The following PCDHGA9 variants were observed in gnomAD, a reference collection of about 807,000 sequenced individuals.
PCDHGA9 encodes the protein protocadherin gamma-A9.
In PCDHGA9, 37 loss-of-function variants were observed where a neutral mutation model predicts 62.5. The ratio of observed to expected loss-of-function variants is 0.59; its 90% CI spans 0.46 to 0.78. The LOEUF is 0.78. PCDHGA9 is among the 30% of genes least tolerant of loss of function. The pLI, the probability that PCDHGA9 is intolerant of heterozygous loss-of-function variation, is 0.00. For missense variants in PCDHGA9, 1,138 were observed against 1,166.2 expected, an observed-to-expected ratio of 0.98 and a Z score of 0.35; for synonymous variants, 459 against 484.6, an observed-to-expected ratio of 0.95 and a Z score of 0.69.
chr5:141,458,970 C>T (rs1260904595), intron 1 of PCDHGA9, among the ~76,000 whole-genome samples: 1 of 152,170 alleles, frequency 6.6e-6, no homozygotes, highest in Admixed American at 6.6e-5. Flanking sequence ...CAGCCTCAAG[C>T]AGTCCTCCTG....
At chr5:141,427,944 A>C (rs780874108) in intron 1 of PCDHGA9, 63 of 1,586,294 alleles carry the variant, frequency 4.0e-5, no homozygotes, top group Non-Finnish European at 8.6e-6. Context: ...GGGCGACCTC[A>C]ATGACAATGT....
chr5:141,472,065 G>C lies in PCDHGA9; in HGVS notation c.2425-22742G>C, dbSNP rs115025688. Among the ~76,000 whole-genome samples the C allele has an allele frequency of 1.7e-3, 265 of 152,218 alleles. 1 individual carries two copies. Among genetic ancestry groups the C allele is most frequent in the Middle Eastern group, 3.4e-3 (1 of 294 alleles). On this transcript the variant is annotated intron_variant, in intron 1 of 3. Coordinates refer to ENST00000573521, the MANE Select transcript of PCDHGA9 (RefSeq NM_018921.3). ...GATTTTAAAAATGATTGACATGTCT[G>C]TGGTTATATCAATGAGTACTATTAT...
chr5:141,423,236 C>G, intron 1 of PCDHGA9: 1 of 1,613,920 alleles, frequency 6.2e-7, no homozygotes, highest in Non-Finnish European at 8.5e-7. Flanking sequence ...GACAGCATCC[C>G]CGAAGTCCTG....
chr5:141,477,671 G>A lies in PCDHGA9; in HGVS notation c.2425-17136G>A, dbSNP rs1022028453. The A allele has an allele frequency of 1.2e-6, 2 of 1,614,198 alleles. No individual in the cohort carries two copies. Among genetic ancestry groups the A allele is most frequent in the Non-Finnish European group, 1.7e-6 (2 of 1,180,048 alleles). Reference sequence around the variant, plus strand: ...CACAATAAATCGTGACAATGGCATAGTGTCATCCTTAGTGCCCCTAGACTA... The same window carrying A: ...CACAATAAATCGTGACAATGGCATAATGTCATCCTTAGTGCCCCTAGACTA... On this transcript the variant is annotated intron_variant, in intron 1 of 3. Coordinates refer to ENST00000573521, the MANE Select transcript of PCDHGA9 (RefSeq NM_018921.3). This position sits in a 1 kb window ranked among gnomAD's most constrained non-coding sequence, Gnocchi z 4.9.
chr5:141,492,880 T>C (rs1204475362), intron 1 of PCDHGA9, among the ~76,000 whole-genome samples: 2 of 152,184 alleles, frequency 1.3e-5, no homozygotes, highest in African/African-American at 4.8e-5. Context: ...CCCCCAGAGA[T>C]ACAGGCTTTT....
rs1048686904 is a variant in PCDHGA9, at chr5:141,410,286, C to T, written c.2424+4910C>T. 3.7e-6 allele frequency: 6 copies of T among 1,613,916 alleles called. No homozygotes were observed. The African/African-American group carries it at 6.7e-5, about 18-fold the overall frequency. On this transcript the variant is annotated intron_variant, in intron 1 of 3. Transcript: ENST00000573521. Reference sequence around the variant, plus strand: ...GAACTGCAGTTTTACCTGGTGGTGGCCTTGGCCTTAATCTCAGTGCTCTTC... The same window carrying T: ...GAACTGCAGTTTTACCTGGTGGTGGTCTTGGCCTTAATCTCAGTGCTCTTC...
chr5:141,463,041 G>C (rs1383781857), intron 1 of PCDHGA9, among the ~76,000 whole-genome samples: 1 of 152,114 alleles, frequency 6.6e-6, no homozygotes, highest in African/African-American at 2.4e-5. Flanking sequence ...TGAGTGTTCA[G>C]CAGGGTCTCT....
intron 1 of PCDHGA9, among the ~76,000 whole-genome samples, chr5:141,492,148 G>C (rs2099737507): frequency 6.6e-6 from 1 of 152,202 alleles, no homozygotes; most frequent in Admixed American, 6.5e-5. Flanking sequence ...TGACTTCACT[G>C]TTACCCTCCC....
Position 141,489,779 on chromosome 5 carries a change from T to C in PCDHGA9, c.2425-5028T>C, listed in dbSNP as rs1269302289. 1.9e-6 allele frequency: 3 copies of C among 1,614,168 alleles called. No homozygotes were observed. Among genetic ancestry groups the C allele is most frequent in the Non-Finnish European group, 2.5e-6 (3 of 1,179,996 alleles). On this transcript the variant is annotated intron_variant, in intron 1 of 3. Coordinates refer to ENST00000573521, the MANE Select transcript of PCDHGA9 (RefSeq NM_018921.3). The surrounding 1 kb of genome is among the most constrained non-coding windows in gnomAD (Gnocchi z 4.5). ...CTAAGCCCCAACAGCCACTTCTCTC[T>C]GAATGTGAAGACCCTAAAAGATGGG...
rs764313049 is a variant in PCDHGA9, at chr5:141,418,041, T to G, written c.2424+12665T>G. 36 of 1,613,976 alleles carry G rather than the reference T, an allele frequency of 2.2e-5. No homozygotes were observed. In the Admixed American group the frequency reaches 2.3e-4, roughly 10 times the overall value. On this transcript the variant is annotated intron_variant, in intron 1 of 3. Coordinates refer to ENST00000573521, the MANE Select transcript of PCDHGA9 (RefSeq NM_018921.3). Reference sequence around the variant, plus strand: ...GATCTAGGGCTTAGTGTCCTGGATGTGTCGGCTCGCGAGCTGCGAGTGAGC... The same window carrying G: ...GATCTAGGGCTTAGTGTCCTGGATGGGTCGGCTCGCGAGCTGCGAGTGAGC...
chr5:141,422,447 C>G, intron 1 of PCDHGA9: 2 of 1,610,922 alleles, frequency 1.2e-6, no homozygotes, highest in Non-Finnish European at 1.7e-6. Flanking sequence ...AAATTGATAA[C>G]AAGCAGAGTG....
intron 2 of PCDHGA9, among the ~76,000 whole-genome samples, chr5:141,503,681 A>C (rs1313633991): frequency 6.6e-6 from 1 of 152,102 alleles, no homozygotes; most frequent in Non-Finnish European, 1.5e-5. Context: ...ACTTTTGGGA[A>C]GGAGAATTGA....
chr5:141,416,722 A>G (rs891558095), intron 1 of PCDHGA9: 3 of 152,258 alleles, frequency 2.0e-5, no homozygotes, highest in Admixed American at 6.5e-5. Context: ...TGATGAGTTC[A>G]TTTAGTTCAA....
rs1270447529 is a variant in PCDHGA9 at position 141,490,526 on chromosome 5, C to A, written c.2425-4281C>A. 3 of 1,614,116 alleles carry A rather than the reference C, an allele frequency of 1.9e-6. No homozygotes were observed. Among genetic ancestry groups the A allele is most frequent in the Non-Finnish European group, 2.5e-6 (3 of 1,180,008 alleles). On this transcript the variant is annotated intron_variant, in intron 1 of 3. Transcript: ENST00000573521. This position sits in a 1 kb window ranked among gnomAD's most constrained non-coding sequence, Gnocchi z 5.4. ...ATCATCGAGCTGCTGGCCAGCGATG[C>A]TGGTTCACCTTCCCTACACAAACAT...
intron 1 of PCDHGA9, among the ~76,000 whole-genome samples, chr5:141,483,322 G>C (rs1325809962): frequency 1.3e-5 from 2 of 152,110 alleles, no homozygotes. Flanking sequence ...TGGGACTGGA[G>C]GCAAAGAGAT....
intron 2 of PCDHGA9, among the ~76,000 whole-genome samples, chr5:141,500,381 T>G (rs1013284512): frequency 7.2e-5 from 11 of 151,786 alleles, no homozygotes; most frequent in African/African-American, 2.7e-4. Flanking sequence ...GCTAATTATT[T>G]TGTATTTTTA....
chr5:141,450,092 C>T (rs761677942), intron 1 of PCDHGA9, among the ~76,000 whole-genome samples: 2 of 148,672 alleles, frequency 1.3e-5, no homozygotes, highest in Non-Finnish European at 3.0e-5. Flanking sequence ...CTGCAACCTC[C>T]GCCTCCCAGG....
chr5:141,494,639 C>T, intron 1 of PCDHGA9, 168 bp from the exon 2 acceptor site: 1 of 901,070 alleles, frequency 1.1e-6, no homozygotes, highest in Non-Finnish European at 1.3e-6. Flanking sequence ...ACCTCTGAGA[C>T]CTGAGGTGTA....
chr5:141,404,754 A>G lies in PCDHGA9; in HGVS notation c.1802A>G (p.Asn601Ser). Residue 601 changes from asparagine to serine, a missense_variant, in exon 1 of 4, where the codon AAT becomes AGT. Physicochemically the swap from Asn to Ser is conservative, Grantham distance 46. Coordinates refer to ENST00000573521, the MANE Select transcript of PCDHGA9 (RefSeq NM_018921.3). ...VVAVDRDSGQ[N>S]AWLSYRLFKA... ...GCAGTGGACAGAGACTCAGGCCAGA[A>G]TGCTTGGCTCTCCTACCGCCTATTC... 1 of 1,612,286 alleles carries G rather than the reference A, an allele frequency of 6.2e-7. No individual in the cohort carries two copies. Among genetic ancestry groups the G allele is most frequent in the Non-Finnish European group, 8.5e-7 (1 of 1,179,800 alleles).
Sources: gnomAD v4.1 joint callset for allele counts (sites outside exome capture counted in the v4.1 genomes callset) on GRCh38, gnomAD v4.1.1 for gene constraint, Gnocchi (gnomAD v3.1) non-coding constraint, MANE v1.5 for transcripts, NCBI Gene and HGNC (gene_info 2026-07-23, HGNC 2026-07-21) for gene names.